SLC4A4: variants seen among roughly 807,000 people sequenced by gnomAD.
SLC4A4 encodes the protein solute carrier family 4 member 4, also known as electrogenic sodium bicarbonate cotransporter 1.
In SLC4A4, 27 loss-of-function variants were observed where a neutral mutation model predicts 111.5. The ratio of observed to expected loss-of-function variants is 0.24; its 90% CI spans 0.18 to 0.33. The LOEUF is 0.33. SLC4A4 is among the 10% of genes least tolerant of loss of function. The probability of loss-of-function intolerance (pLI) is 1.00; values close to 1 mark genes in which losing one functional copy is unlikely to be tolerated. For missense variants in SLC4A4, 909 were observed against 1,315.5 expected (o/e 0.69, Z 4.78); for synonymous variants, 443 against 463.4 (o/e 0.96, Z 0.57).
chr4:71,553,082 G>A (rs1357475078), intron 20 of SLC4A4, among the ~76,000 whole-genome samples: 2 of 151,816 alleles, frequency 1.3e-5, no homozygotes, highest in African/African-American at 2.4e-5. Flanking sequence ...TTATTGAGAT[G>A]TTGCATTATC....
chr4:71,339,660 T>C (rs1728728139), intron 4 of SLC4A4, among the ~76,000 whole-genome samples, 155 bp downstream of exon 4: 1 of 152,186 alleles, frequency 6.6e-6, no homozygotes, highest in Non-Finnish European at 1.5e-5. Context: ...CTATTTCTTC[T>C]TTTCTTTTTT....
Position 71,567,001 on chromosome 4 carries a change from C to A in SLC4A4, c.3197-3C>A, listed in dbSNP as rs747806784. 5.6e-6 allele frequency: 9 copies of A among 1,607,756 alleles called. No individual in the cohort carries two copies. Among genetic ancestry groups the A allele is most frequent in the African/African-American group, 1.3e-5 (1 of 74,486 alleles). On this transcript the variant is annotated splice_polypyrimidine_tract_variant and splice_region_variant and intron_variant, in intron 24 of 25. Coordinates refer to ENST00000264485, the MANE Select transcript of SLC4A4 (RefSeq NM_001098484.3). The stretch of plus-strand genomic sequence containing the variant: ...TATGTTTTTAAAAAATTTTATTTTC[C>A]AGGAGAAAGATCACCAACATTCCTT...
At chr4:71,190,385 TACACACACACACACACAC>T (rs5859253) in intron 1 of SLC4A4, among the ~76,000 whole-genome samples, 32 of 143,770 alleles carry the variant, frequency 2.2e-4, no homozygotes, top group African/African-American at 6.9e-4. Flanking sequence ...TATGTATGTT[TACACACACACACACACAC>T]ACACACACAC....
intron 6 of SLC4A4, among the ~76,000 whole-genome samples, chr4:71,393,665 T>C (rs976535105): frequency 1.3e-5 from 2 of 151,658 alleles, no homozygotes; most frequent in African/African-American, 4.8e-5. Flanking sequence ...AAAAAAAAAT[T>C]CCAAAATTCA....
At position 71,556,586 on chromosome 4, in the gene SLC4A4, C is replaced by A. The variant is rs147501493; in HGVS notation, c.2764-1126C>A. ...CAACCAGGGTCCAGCTAGTAGATTTCTTAAATTCTGCAATGCTATTGCCCC... is the reference window on the plus strand; with the variant it reads ...CAACCAGGGTCCAGCTAGTAGATTTATTAAATTCTGCAATGCTATTGCCCC... On this transcript the variant is annotated intron_variant, in intron 21 of 25. Coordinates refer to ENST00000264485, the MANE Select transcript of SLC4A4 (RefSeq NM_001098484.3). Among the ~76,000 whole-genome samples the A allele has an allele frequency of 6.8e-3, 1,040 of 152,032 alleles. 11 individuals are homozygous for A. Among genetic ancestry groups the A allele is most frequent in the African/African-American group, 0.023 (975 of 41,536 alleles).
At chr4:71,474,907 TC>T (rs1728219180) in intron 14 of SLC4A4, among the ~76,000 whole-genome samples, 1 of 151,618 alleles carries the variant, frequency 6.6e-6, no homozygotes, top group Non-Finnish European at 1.5e-5. Context: ...TTAAATGTGC[TC>T]CCCAGAGAAA....
chr4:71,421,465 T>G (rs1722495284), intron 7 of SLC4A4, among the ~76,000 whole-genome samples: 2 of 152,272 alleles, frequency 1.3e-5, no homozygotes, highest in East Asian at 3.9e-4. Context: ...GGAATTGAAT[T>G]CAGCTCTGCA....
chr4:71,217,064 G>T (rs1718473281), intron 1 of SLC4A4, among the ~76,000 whole-genome samples: 1 of 152,188 alleles, frequency 6.6e-6, no homozygotes. Context: ...TAAAGAAACT[G>T]TGTGAGTGGG....
chr4:71,067,188 T>G lies in SLC4A4; in HGVS notation c.-65+4400T>G, dbSNP rs76636526. Among the ~76,000 whole-genome samples the G allele has an allele frequency of 9.2e-3, 1,406 of 152,170 alleles. 9 individuals are homozygous for G. Among genetic ancestry groups the G allele is most frequent in the South Asian group, 0.029 (141 of 4,816 alleles). On this transcript the variant is annotated intron_variant, in intron 1 of 26. Coordinates refer to the SLC4A4 transcript ENST00000649996. ...TATTTTCTTAGTACTACCATAGTGT[T>G]TGGCAGCTGCTTTGACATATAGGTC...
chr4:71,139,798 G>A (rs1578516372), intron 2 of SLC4A4, among the ~76,000 whole-genome samples: 1 of 152,076 alleles, frequency 6.6e-6, no homozygotes, highest in East Asian at 1.9e-4. Context: ...ATCAAATCAG[G>A]GTTTTTAGGA....
chr4:71,210,680 A>G (rs1718081185), intron 1 of SLC4A4, among the ~76,000 whole-genome samples: 1 of 152,242 alleles, frequency 6.6e-6, no homozygotes, highest in South Asian at 2.1e-4. Context: ...CACTGTGTAA[A>G]CAAAATGATC....
At chr4:71,074,367 T>C (rs1275475677) in intron 1 of SLC4A4, among the ~76,000 whole-genome samples, 2 of 152,202 alleles carry the variant, frequency 1.3e-5, no homozygotes, top group Non-Finnish European at 2.9e-5. Context: ...TCATCTGTTT[T>C]GCAGAAATGA....
At chr4:71,156,065 A>G (rs1744454651) in intron 2 of SLC4A4, among the ~76,000 whole-genome samples, 1 of 152,182 alleles carries the variant, frequency 6.6e-6, no homozygotes, top group South Asian at 2.1e-4. Flanking sequence ...GTTCTTCCTT[A>G]TTATGTTGTT....
At chr4:71,565,977 C>T (rs1298001968) in intron 24 of SLC4A4, among the ~76,000 whole-genome samples, 4 of 151,868 alleles carry the variant, frequency 2.6e-5, no homozygotes, top group South Asian at 2.1e-4. Context: ...TCAGAAGTAA[C>T]GGACCATTAC....
chr4:71,111,421 A>T (rs2148951791), intron 2 of SLC4A4, among the ~76,000 whole-genome samples: 1 of 148,242 alleles, frequency 6.7e-6, no homozygotes, highest in East Asian at 2.0e-4. Context: ...GAGTGCAATG[A>T]CGTGATCTTG....
chr4:71,398,789 A>G (rs1720081150), intron 7 of SLC4A4, among the ~76,000 whole-genome samples: 1 of 152,158 alleles, frequency 6.6e-6, no homozygotes, highest in South Asian at 2.1e-4. Context: ...AAACTATAAT[A>G]CATAACTCAC....
chr4:71,509,051 A>T (rs564882431), intron 16 of SLC4A4, among the ~76,000 whole-genome samples: 2 of 152,328 alleles, frequency 1.3e-5, no homozygotes, highest in African/African-American at 2.4e-5. Flanking sequence ...AAAATTCAAC[A>T]TTCGTTTATG....
At chr4:71,488,888 A>ATGTGTGTGTGTGTGTG (rs66801188) in intron 15 of SLC4A4, among the ~76,000 whole-genome samples, 42 of 140,668 alleles carry the variant, frequency 3.0e-4, no homozygotes, top group East Asian at 2.9e-3. Context: ...AGAAGAAAAA[A>ATGTGTGTGTGTGTGTG]TGTGTGTGTG....
intron 18 of SLC4A4, among the ~76,000 whole-genome samples, chr4:71,539,075 G>C (rs1165164272): frequency 6.6e-6 from 1 of 152,056 alleles, no homozygotes; most frequent in Non-Finnish European, 1.5e-5. Flanking sequence ...CAACCAATTT[G>C]CTCTGATATC....
Sources: gnomAD v4.1 joint callset for allele counts (sites outside exome capture counted in the v4.1 genomes callset) on GRCh38, gnomAD v4.1.1 for gene constraint, MANE v1.5 for transcripts, NCBI Gene and HGNC (gene_info 2026-07-23, HGNC 2026-07-21) for gene names.